Variants in KCNIP4 observed in about 807,000 individuals in gnomAD.
KCNIP4 encodes potassium voltage-gated channel interacting protein 4, also known as Kv channel-interacting protein 4.
Under a neutral mutation model 34.0 loss-of-function variants are expected in KCNIP4, and 12 were observed. That is an observed-to-expected ratio of 0.35 (90% confidence interval 0.23 to 0.57). The LOEUF is 0.57. Among genes scored for constraint, KCNIP4 ranks in the 20% least tolerant of loss-of-function variants. KCNIP4 has a pLI of 0.83. For missense variants in KCNIP4, 238 were observed against 311.7 expected (o/e 0.76, Z 1.78); for synonymous variants, 124 against 102.2 (o/e 1.21, Z -1.29).
chr4:21,704,677 T>C (rs1175287939), intron 1 of KCNIP4, among the ~76,000 whole-genome samples: 1 of 152,154 alleles, frequency 6.6e-6, no homozygotes, highest in Non-Finnish European at 1.5e-5. Context: ...ACACATCTAT[T>C]AGAATGGCTA....
At chr4:20,779,926 T>G (rs1247244839) in intron 3 of KCNIP4, among the ~76,000 whole-genome samples, 1 of 152,192 alleles carries the variant, frequency 6.6e-6, no homozygotes, top group Non-Finnish European at 1.5e-5. Context: ...CTCAGTGATA[T>G]TAATTTCAGA....
intron 1 of KCNIP4, among the ~76,000 whole-genome samples, chr4:21,201,544 G>A (rs1486164518): frequency 6.6e-6 from 1 of 152,126 alleles, no homozygotes; most frequent in Non-Finnish European, 1.5e-5. Context: ...TGTTGCTCAG[G>A]CTGGAGTGCA....
At chr4:21,724,506 T>C (rs1715050016) in intron 1 of KCNIP4, among the ~76,000 whole-genome samples, 1 of 151,874 alleles carries the variant, frequency 6.6e-6, no homozygotes, top group South Asian at 2.1e-4. Context: ...TTCTGCATGT[T>C]GCTTGCGGAG....
At chr4:20,737,362 G>A (rs551027822) in intron 5 of KCNIP4, among the ~76,000 whole-genome samples, 60 of 152,310 alleles carry the variant, frequency 3.9e-4, no homozygotes, top group East Asian at 7.7e-4. Context: ...GATAGGGAAC[G>A]GTCCAGTGGA....
chr4:20,782,183 G>C (rs570085773), intron 3 of KCNIP4, among the ~76,000 whole-genome samples: 1 of 152,274 alleles, frequency 6.6e-6, no homozygotes, highest in East Asian at 1.9e-4. Flanking sequence ...TGGCTTTGCA[G>C]GGTACAGCCT....
intron 3 of KCNIP4, among the ~76,000 whole-genome samples, chr4:20,799,839 A>T (rs1287541980): frequency 1.3e-5 from 2 of 152,082 alleles, no homozygotes; most frequent in African/African-American, 4.8e-5. Context: ...TCTCTGGAAA[A>T]TCCCTTCTTC....
intron 1 of KCNIP4, among the ~76,000 whole-genome samples, chr4:20,893,131 T>C (rs1726119371): frequency 6.6e-6 from 1 of 152,200 alleles, no homozygotes; most frequent in African/African-American, 2.4e-5. Flanking sequence ...TAGCAACCAG[T>C]ATGGTCTGTT....
chr4:21,506,779 A>T (rs1254524160), intron 1 of KCNIP4, among the ~76,000 whole-genome samples: 2 of 152,184 alleles, frequency 1.3e-5, no homozygotes, highest in Non-Finnish European at 2.9e-5. Context: ...CAGGTGACAC[A>T]AATTTTAATA....
intron 1 of KCNIP4, among the ~76,000 whole-genome samples, chr4:21,273,044 C>T (rs1762244619): frequency 6.6e-6 from 1 of 152,120 alleles, no homozygotes; most frequent in Admixed American, 6.6e-5. Flanking sequence ...ATGATACTGG[C>T]AGATTCTTAA....
intron 1 of KCNIP4, among the ~76,000 whole-genome samples, chr4:21,520,928 T>C (rs1735467288): frequency 6.6e-6 from 1 of 152,174 alleles, no homozygotes; most frequent in Non-Finnish European, 1.5e-5. Context: ...TATTCCATTA[T>C]CTTTTAATTA....
At chr4:20,961,176 C>A (rs934495157) in intron 1 of KCNIP4, among the ~76,000 whole-genome samples, 2 of 152,048 alleles carry the variant, frequency 1.3e-5, no homozygotes, top group African/African-American at 2.4e-5. Flanking sequence ...TTTTTTCTAT[C>A]TTTTCAAAAA....
intron 1 of KCNIP4, among the ~76,000 whole-genome samples, chr4:21,300,652 T>C (rs1482355212): frequency 6.6e-6 from 1 of 152,090 alleles, no homozygotes; most frequent in Admixed American, 6.6e-5. Context: ...ATTCTAGAGC[T>C]ACAGGAAAGG....
chr4:20,999,617 C>T (rs75613165), intron 1 of KCNIP4, among the ~76,000 whole-genome samples: 2,122 of 151,594 alleles, frequency 0.014, 47 homozygotes, highest in African/African-American at 0.044. Context: ...AATTAAGAGG[C>T]TGTTTCAGAA....
At chr4:20,823,455 T>G (rs932608557) in intron 3 of KCNIP4, among the ~76,000 whole-genome samples, 3 of 152,168 alleles carry the variant, frequency 2.0e-5, no homozygotes, top group African/African-American at 7.2e-5. Flanking sequence ...AGGTTGAAAT[T>G]CTAACCCCCA....
chr4:21,488,032 T>C (rs1468411565), intron 1 of KCNIP4, among the ~76,000 whole-genome samples: 1 of 152,188 alleles, frequency 6.6e-6, no homozygotes, highest in Admixed American at 6.6e-5. Context: ...GATATGTTCA[T>C]TGCTACTGTG....
chr4:21,547,954 TCAACCACC>T (rs1738272897), intron 1 of KCNIP4, among the ~76,000 whole-genome samples: 1 of 152,122 alleles, frequency 6.6e-6, no homozygotes, highest in Non-Finnish European at 1.5e-5. Context: ...TGTCCCAATC[TCAACCACC>T]CATGTGGACA....
chr4:21,785,665 G>T (rs559964364), intron 1 of KCNIP4, among the ~76,000 whole-genome samples: 1 of 151,842 alleles, frequency 6.6e-6, no homozygotes, highest in South Asian at 2.1e-4. Context: ...CCTTTACCCA[G>T]CCCTAAGTAT....
At chr4:21,253,438 A>T (rs750332194) in intron 1 of KCNIP4, among the ~76,000 whole-genome samples, 1 of 152,224 alleles carries the variant, frequency 6.6e-6, no homozygotes, top group Non-Finnish European at 1.5e-5. Context: ...ACAGAACAGA[A>T]CTAATTCATT....
intron 1 of KCNIP4, among the ~76,000 whole-genome samples, chr4:21,001,021 C>A (rs1406532481): frequency 1.3e-5 from 2 of 152,062 alleles, no homozygotes; most frequent in Non-Finnish European, 2.9e-5. Flanking sequence ...TTGTTTTTCC[C>A]ACTAGGCTCT....
Sources: gnomAD v4.1 joint callset for allele counts (sites outside exome capture counted in the v4.1 genomes callset) on GRCh38, gnomAD v4.1.1 for gene constraint, MANE v1.5 for transcripts, NCBI Gene and HGNC (gene_info 2026-07-23, HGNC 2026-07-21) for gene names.